ROBO3: variants seen among roughly 807,000 people sequenced by gnomAD.
ROBO3 encodes the protein roundabout guidance receptor 3, also known as roundabout homolog 3.
In ROBO3, 97 loss-of-function variants were observed where a neutral mutation model predicts 160.5. The ratio of observed to expected loss-of-function variants is 0.60; its 90% confidence interval spans 0.51 to 0.72. The LOEUF is 0.72. Among genes scored for constraint, ROBO3 ranks in the 30% least tolerant of loss-of-function variants. The pLI is 0.00. For synonymous variants in ROBO3, 780 were observed against 746.2 expected, an observed-to-expected ratio of 1.05 and a Z score of -0.74; for missense variants, 1,858 against 1,846.5, an observed-to-expected ratio of 1.01 and a Z score of -0.11.
chr11:124,870,282 A>T lies in ROBO3; in HGVS notation c.884A>T (p.Asp295Val), dbSNP rs534494984. ...PPPRLRWRKE[D>V]GELPTGRYEI... Reference sequence around the variant, plus strand: ...CCTCGTCTACGCTGGCGCAAGGAGGATGGGGAACTGCCCACAGGCAGGTGA... The same window carrying T: ...CCTCGTCTACGCTGGCGCAAGGAGGTTGGGGAACTGCCCACAGGCAGGTGA... Residue 295 changes from aspartate to valine, a missense_variant, in exon 5 of 28, where the codon GAT becomes GTT. Asp to Val is a radical substitution (Grantham distance 152, BLOSUM62 -3). Transcript: ENST00000397801. 1.2e-6 allele frequency: 2 copies of T among 1,613,946 alleles called. No homozygotes were observed. The highest frequency in any genetic ancestry group is 4.5e-5 in the East Asian group (2 of 44,880).
Position 124,872,784 on chromosome 11 carries a change from G to T in ROBO3, c.1331-100G>T. 2.7e-6 allele frequency: 3 copies of T among 1,115,440 alleles called. No homozygotes were observed. The highest frequency in any genetic ancestry group is 3.7e-6 in the Non-Finnish European group (3 of 801,182). The allele number at this position is 1,115,440 out of a possible 1,614,324, so 69.1% of individuals were successfully genotyped here. A position where few individuals can be genotyped will look rare whatever the true frequency, so the allele number is the denominator to read the frequency against. ...CCTCTGATCACCGGAAGTTTCAGGGGCTGGGGTAGGGAGGGTGAAGGAGCA... is the reference window on the plus strand; with the variant it reads ...CCTCTGATCACCGGAAGTTTCAGGGTCTGGGGTAGGGAGGGTGAAGGAGCA... On this transcript the variant is annotated intron_variant, in intron 8 of 27. Coordinates refer to ENST00000397801, the MANE Select transcript of ROBO3 (RefSeq NM_022370.4). This position sits in a 1 kb window ranked among gnomAD's most constrained non-coding sequence, Gnocchi z 4.3.
Position 124,878,345 on chromosome 11 carries a change from C to G in ROBO3, c.3229C>G (p.Pro1077Ala), listed in dbSNP as rs778526094. The change falls in exon 22 of 28, where the codon CCC becomes GCC. Residue 1077 changes from proline to alanine, a missense_variant. Coordinates refer to ENST00000397801, the MANE Select transcript of ROBO3 (RefSeq NM_022370.4). The surrounding 1 kb of genome is among the most constrained non-coding windows in gnomAD (Gnocchi z 4.3). ...GCTTCTGGGGAAACCTGTGCAGATG[C>G]CCTCTCTGAACTGGCCAGAAGCCCT... Reference protein sequence around the residue: ...VKLLGKPVQMPSLNWPEALPP... With the variant: ...VKLLGKPVQMASLNWPEALPP... 3.7e-6 allele frequency: 6 copies of G among 1,613,784 alleles called. No individual in the cohort carries two copies. The highest frequency in any genetic ancestry group is 5.1e-6 in the Non-Finnish European group (6 of 1,179,806).
chr11:124,871,172 C>A, intron 7 of ROBO3, 34 bp downstream of exon 7: 1 of 1,587,062 alleles, frequency 6.3e-7, no homozygotes, highest in Admixed American at 1.7e-5. Flanking sequence ...TTCCCATCAG[C>A]CTTCCTCTGC....
Position 124,870,028 on chromosome 11 carries a change from G to A in ROBO3, c.726G>A (p.Ala242=), listed in dbSNP as rs115272137. The change falls in exon 4 of 28, where the codon GCG becomes GCA. Residue 242 remains alanine (A), a synonymous_variant. Transcript: ENST00000397801. ...GMYVCVASNM[A]GERESAAAEV... is the part of the protein sequence containing the mutation. ...ATGTGTGCGTAGCCTCCAACATGGC[G>A]GGAGAACGGGAGAGTGCGGCAGCTG... 29 of 1,613,994 alleles carry A rather than the reference G, an allele frequency of 1.8e-5. No homozygotes were observed. Among genetic ancestry groups the A allele is most frequent in the Non-Finnish European group, 2.3e-5 (27 of 1,179,892 alleles).
chr11:124,869,208 C>A lies in ROBO3; in HGVS notation c.487+80C>A. 7.0e-7 allele frequency: 1 copy of A among 1,421,772 alleles called. No homozygotes were observed. Among genetic ancestry groups the A allele is most frequent in the Non-Finnish European group, 9.5e-7 (1 of 1,049,880 alleles). The allele number at this position is 1,421,772 out of a possible 1,614,324, so 88.1% of individuals were successfully genotyped here. On this transcript the variant is annotated intron_variant, in intron 2 of 27. Coordinates refer to ENST00000397801, the MANE Select transcript of ROBO3 (RefSeq NM_022370.4). The surrounding 1 kb of genome is among the most constrained non-coding windows in gnomAD (Gnocchi z 4.2). ...GGGCACTGGGCAATCAGACCCAGAA[C>A]CAGCCCCAAAGGACTTCAGCCCACT...
In ROBO3 at chr11:124,875,166, G is replaced by T; in HGVS notation, c.2129G>T (p.Gly710Val). Reference protein sequence around the residue: ...QGFRVSWRVAGPEGGSWTMLD... With the variant: ...QGFRVSWRVAVPEGGSWTMLD... ...TTCCGGGTGTCTTGGAGGGTAGCAG[G>T]CCCTGAGGGAGGAAGCTGGACAATG... Residue 710 changes from glycine (G) to valine (V), a missense_variant, in exon 14 of 28, where the codon GGC (glycine) becomes GTC (valine). Coordinates refer to ENST00000397801, the MANE Select transcript of ROBO3 (RefSeq NM_022370.4). 6.2e-7 allele frequency: 1 copy of T among 1,613,616 alleles called. No homozygotes were observed. The highest frequency in any genetic ancestry group is 8.5e-7 in the Non-Finnish European group (1 of 1,179,804).
intron 23 of ROBO3, 175 bp from the exon 24 acceptor site, chr11:124,879,011 TCTAC>T: frequency 1.2e-6 from 1 of 816,786 alleles, no homozygotes; most frequent in Non-Finnish European, 1.9e-6. Context: ...TGGTCAGCAC[TCTAC>T]CTGAGACATT....
At position 124,876,573 on chromosome 11, in the gene ROBO3, C is replaced by T; in HGVS notation, c.2779+113C>T. 6 of 907,638 alleles carry T rather than the reference C, an allele frequency of 6.6e-6. No individual in the cohort carries two copies. The highest frequency in any genetic ancestry group is 3.2e-5 in the East Asian group (1 of 31,390). The allele number at this position is 907,638 out of a possible 1,614,324, so 56.2% of individuals were successfully genotyped here. On this transcript the variant is annotated intron_variant, in intron 17 of 27. Coordinates refer to ENST00000397801, the MANE Select transcript of ROBO3 (RefSeq NM_022370.4). The surrounding 1 kb of genome is among the most constrained non-coding windows in gnomAD (Gnocchi z 5.3). ...GGACCGGGTCGGGAGAAAGGGGTCG[C>T]ACCTGGAGTTCAGCCTCTTGGGTAG...
chr11:124,869,304 C>T lies in ROBO3; in HGVS notation c.488-146C>T. ...ACCACGGCCAGAGAAGGAAGTGGAT[C>T]TGACTCCAGGCTGATATTTTCTCAC... On this transcript the variant is annotated intron_variant, in intron 2 of 27. Coordinates refer to ENST00000397801, the MANE Select transcript of ROBO3 (RefSeq NM_022370.4). This position sits in a 1 kb window ranked among gnomAD's most constrained non-coding sequence, Gnocchi z 4.2. 9.2e-7 allele frequency: 1 copy of T among 1,088,912 alleles called. No individual in the cohort carries two copies. Among genetic ancestry groups the T allele is most frequent in the Non-Finnish European group, 1.4e-6 (1 of 728,852 alleles). The allele number at this position is 1,088,912 out of a possible 1,614,324, so 67.5% of individuals were successfully genotyped here.
rs776648534 is a variant in ROBO3 at position 124,878,025 on chromosome 11, G to T, written c.3075G>T (p.Ala1025=). ...CTGTCTATAGCACCATTGACCCAGC[G>T]GGGGAGGAGCTGCAGACCTTCCATG... The part of the protein sequence containing the change: ...EGPVYSTIDP[A]GEELQTFHGG... Residue 1025 remains alanine, a synonymous_variant, in exon 21 of 28, where the codon GCG becomes GCT. Transcript: ENST00000397801. This position sits in a 1 kb window ranked among gnomAD's most constrained non-coding sequence, Gnocchi z 4.3. The T allele has an allele frequency of 3.1e-6, 5 of 1,612,434 alleles. No individual in the cohort carries two copies. In the East Asian group the frequency reaches 1.1e-4, roughly 36 times the overall value.
chr11:124,869,803 T>A lies in ROBO3; in HGVS notation c.646-145T>A. 1 of 1,292,622 alleles carries A rather than the reference T, an allele frequency of 7.7e-7. No homozygotes were observed. The highest frequency in any genetic ancestry group is 1.1e-6 in the Non-Finnish European group (1 of 935,000). 80.1% of individuals were successfully genotyped at this position (1,292,622 alleles called of 1,614,324 possible). On this transcript the variant is annotated intron_variant, in intron 3 of 27. Coordinates refer to ENST00000397801, the MANE Select transcript of ROBO3 (RefSeq NM_022370.4). The surrounding 1 kb of genome is among the most constrained non-coding windows in gnomAD (Gnocchi z 4.2). ...TGCCCCAGGAACTTCCCATTTGATA[T>A]GTGGGTCAACTTCCTTGGTCTCCTT... is the stretch of plus-strand genomic sequence containing the variant.
chr11:124,868,426 G>A, intron 1 of ROBO3: 1 of 555,324 alleles, frequency 1.8e-6, no homozygotes, highest in Non-Finnish European at 3.2e-6. Context: ...CAGTGCAGGT[G>A]GAGATGGAAA....
Position 124,865,494 on chromosome 11 carries a change from G to C in ROBO3, c.-84G>C. The C allele has an allele frequency of 7.0e-7, 1 of 1,419,400 alleles. No homozygotes were observed. 87.9% of individuals were successfully genotyped at this position (1,419,400 alleles called of 1,614,324 possible). On this transcript the variant is annotated 5_prime_UTR_variant, in exon 1 of 28. Transcript: ENST00000397801. The surrounding 1 kb of genome is among the most constrained non-coding windows in gnomAD (Gnocchi z 5.5). ...TGCCGCAGCGCGCAGAGGCTGTGGA[G>C]GGGCTTACGGCTCCCAGCCCACGGG...
chr11:124,868,695 A>C, intron 1 of ROBO3, 107 bp from the exon 2 acceptor site: 1 of 1,158,454 alleles, frequency 8.6e-7, no homozygotes, highest in African/African-American at 1.5e-5. Context: ...AGCTCCGCAG[A>C]GAAGCATAGG....
At chr11:124,871,672 T>C (rs185210076) in intron 7 of ROBO3, among the ~76,000 whole-genome samples, 1 of 152,158 alleles carries the variant, frequency 6.6e-6, no homozygotes, top group Non-Finnish European at 1.5e-5. Context: ...ACCACATAAA[T>C]AACTCTCTCT....
intron 6 of ROBO3, 55 bp downstream of exon 6, chr11:124,870,783 G>C: frequency 6.3e-7 from 1 of 1,592,258 alleles, no homozygotes; most frequent in Non-Finnish European, 8.6e-7. Context: ...GGGAGAAGGA[G>C]GATGGTTGGC....
At position 124,873,845 on chromosome 11, in the gene ROBO3, T is replaced by C. The variant is rs977490827; in HGVS notation, c.1767T>C (p.Tyr589=). The C allele has an allele frequency of 6.2e-7, 1 of 1,613,350 alleles. No individual in the cohort carries two copies. Among genetic ancestry groups the C allele is most frequent in the Non-Finnish European group, 8.5e-7 (1 of 1,179,584 alleles). Residue 589 remains tyrosine, a synonymous_variant, in exon 11 of 28, where the codon TAT becomes TAC. Transcript: ENST00000397801. The surrounding 1 kb of genome is among the most constrained non-coding windows in gnomAD (Gnocchi z 4.5). ...NPQTGAAVTS[Y]VIEAFSPAAG... ...AAACTGGGGCTGCAGTCACGTCTTA[T>C]GTGATAGAGGCCTTCAGGTATGGAG...
chr11:124,868,471 C>T (rs36124571), intron 1 of ROBO3: 147,176 of 591,004 alleles, frequency 0.25, 19,497 homozygotes, highest in African/African-American at 0.33. Flanking sequence ...GGTCTACTCG[C>T]CAAGCGTGGT....
In ROBO3 at chr11:124,870,045, C is replaced by T. The variant is rs1946259129; in HGVS notation, c.743C>T (p.Ala248Val). ...ASNMAGERES[A>V]AAEVMVLERP... ...AACATGGCGGGAGAACGGGAGAGTG[C>T]GGCAGCTGAAGTCATGGTACTGGGT... is the stretch of plus-strand genomic sequence containing the variant. The change falls in exon 4 of 28, where the codon GCG becomes GTG. Residue 248 changes from alanine (A) to valine (V), a missense_variant. Physicochemically the swap from Ala to Val is moderately conservative, Grantham distance 64. Coordinates refer to ENST00000397801, the MANE Select transcript of ROBO3 (RefSeq NM_022370.4). 4 of 1,613,962 alleles carry T rather than the reference C, an allele frequency of 2.5e-6. No individual in the cohort carries two copies. The highest frequency in any genetic ancestry group is 1.1e-5 in the South Asian group (1 of 91,084).
Sources: gnomAD v4.1 joint callset for allele counts (sites outside exome capture counted in the v4.1 genomes callset) on GRCh38, gnomAD v4.1.1 for gene constraint, Gnocchi (gnomAD v3.1) non-coding constraint, MANE v1.5 for transcripts, NCBI Gene and HGNC (gene_info 2026-07-23, HGNC 2026-07-21) for gene names.